DLGAP2: variants seen among roughly 807,000 people sequenced by gnomAD.
DLGAP2 encodes the protein DLG associated protein 2.
DLGAP2 carries 26 observed loss-of-function variants against 100.3 expected under a neutral mutation model. The ratio of observed to expected loss-of-function variants is 0.26; its 90% CI spans 0.19 to 0.36. The LOEUF is 0.36. DLGAP2 is among the 10% of genes least tolerant of loss of function. DLGAP2 has a pLI of 1.00. For synonymous variants in DLGAP2, 886 were observed against 630.1 expected (o/e 1.41, Z -6.08); for missense variants, 1,858 against 1,453.2 (o/e 1.28, Z -4.53).
chr8:1,156,225 TG>T (rs1796782287), intron 2 of DLGAP2, among the ~76,000 whole-genome samples: 1 of 152,128 alleles, frequency 6.6e-6, no homozygotes, highest in Admixed American at 6.5e-5. Flanking sequence ...GCCGCTTCAA[TG>T]AACCTGAAAC....
intron 2 of DLGAP2, among the ~76,000 whole-genome samples, chr8:1,169,864 T>A (rs1797092533): frequency 1.3e-5 from 2 of 151,882 alleles, no homozygotes; most frequent in South Asian, 4.2e-4. Flanking sequence ...CCTAATTGAA[T>A]AACCTTTATT....
intron 4 of DLGAP2, among the ~76,000 whole-genome samples, chr8:1,538,723 A>T (rs1409106742): frequency 6.6e-6 from 1 of 152,024 alleles, no homozygotes; most frequent in Non-Finnish European, 1.5e-5. Context: ...CTCTTATCAG[A>T]GGCAAAGCCC....
chr8:1,039,680 G>C (rs79964757), intron 2 of DLGAP2, among the ~76,000 whole-genome samples: 1 of 108,632 alleles, frequency 9.2e-6, no homozygotes, highest in Non-Finnish European at 1.7e-5. Flanking sequence ...CTCGGTGTGC[G>C]TGGTCAGCTC....
intron 6 of DLGAP2, among the ~76,000 whole-genome samples, chr8:1,566,689 C>A (rs1349513939): frequency 2.6e-5 from 4 of 152,216 alleles, no homozygotes; most frequent in Non-Finnish European, 5.9e-5. Context: ...AGACAGGGAG[C>A]CCTGGGCCAC....
At chr8:1,139,496 G>A (rs558433393) in intron 2 of DLGAP2, among the ~76,000 whole-genome samples, 39 of 152,250 alleles carry the variant, frequency 2.6e-4, no homozygotes, top group Non-Finnish European at 3.5e-4. Flanking sequence ...GGCCTCCCTC[G>A]GCGCTAATCC....
At chr8:1,010,492 C>T (rs1038825679) in intron 2 of DLGAP2, among the ~76,000 whole-genome samples, 1 of 152,224 alleles carries the variant, frequency 6.6e-6, no homozygotes, top group African/African-American at 2.4e-5. Context: ...AAATACTACA[C>T]ATTACCCACA....
chr8:966,735 C>G (rs1210640845), intron 2 of DLGAP2, among the ~76,000 whole-genome samples: 2 of 152,188 alleles, frequency 1.3e-5, no homozygotes, highest in African/African-American at 4.8e-5. Context: ...CACATAGAAG[C>G]AAATGGACTG....
chr8:1,434,033 GAA>G (rs1229239100), intron 3 of DLGAP2, among the ~76,000 whole-genome samples: 4 of 152,158 alleles, frequency 2.6e-5, no homozygotes, highest in Admixed American at 6.5e-5. Flanking sequence ...TGCCCTGCAA[GAA>G]AGTGTTTTTG....
chr8:1,549,471 C>G lies in DLGAP2; in HGVS notation c.1018C>G (p.Leu340Val), dbSNP rs1277529005. The G allele has an allele frequency of 2.5e-6, 4 of 1,613,386 alleles. No individual in the cohort carries two copies. Among genetic ancestry groups the G allele is most frequent in the African/African-American group, 2.7e-5 (2 of 74,952 alleles). ...GCAGAGCCCCTTCGGGGACCTGTCC[C>G]TCAAGACCTCCAAGAGCAACAACGA... ...ALQSPFGDLS[L>V]KTSKSNNDVK... is the part of the protein sequence containing the mutation. Residue 340 changes from leucine (L) to valine (V), a missense_variant, in exon 5 of 15, where the codon CTC becomes GTC. Physicochemically the swap from Leu to Val is conservative, Grantham distance 32. Coordinates refer to ENST00000637795, the MANE Select transcript of DLGAP2 (RefSeq NM_001346810.2).
At chr8:996,491 C>A (rs746820984) in intron 2 of DLGAP2, among the ~76,000 whole-genome samples, 5 of 152,074 alleles carry the variant, frequency 3.3e-5, no homozygotes, top group Non-Finnish European at 7.4e-5. Flanking sequence ...GTGGAGTGGC[C>A]GGAGGCTCAG....
intron 3 of DLGAP2, among the ~76,000 whole-genome samples, chr8:1,467,374 GC>G (rs1046750785): frequency 7.3e-6 from 1 of 136,184 alleles, no homozygotes; most frequent in Non-Finnish European, 1.6e-5. Context: ...GCCCCCCACA[GC>G]CCCCCAGAGC....
chr8:1,686,534 G>A (rs913118889), intron 12 of DLGAP2, among the ~76,000 whole-genome samples: 1 of 152,118 alleles, frequency 6.6e-6, no homozygotes, highest in African/African-American at 2.4e-5. Flanking sequence ...CAGGCATGGT[G>A]GCGCACGCCT....
intron 2 of DLGAP2, among the ~76,000 whole-genome samples, chr8:993,854 G>C (rs1563133062): frequency 6.9e-6 from 1 of 144,170 alleles, no homozygotes. Flanking sequence ...GGCCTTTCTA[G>C]GGCCTTTGAT....
intron 6 of DLGAP2, among the ~76,000 whole-genome samples, chr8:1,600,468 T>A (rs1796590409): frequency 6.6e-6 from 1 of 152,220 alleles, no homozygotes; most frequent in African/African-American, 2.4e-5. Context: ...GAAGAGTGTT[T>A]TCCAGCTTGG....
At chr8:875,224 T>C (rs1797667856) in intron 1 of DLGAP2, among the ~76,000 whole-genome samples, 1 of 152,226 alleles carries the variant, frequency 6.6e-6, no homozygotes, top group East Asian at 1.9e-4. Context: ...TTGATTATAT[T>C]ATTTAATCCA....
intron 1 of DLGAP2, among the ~76,000 whole-genome samples, chr8:759,173 GTTATCAATACCCCCGACAGCCTTCCCA>G (rs1821005771): frequency 5.0e-4 from 7 of 14,042 alleles, no homozygotes; most frequent in African/African-American, 1.7e-3. Flanking sequence ...CAGCCTTCCC[GTTATCAATACCCCCGACAGCCTTCCCA>G]TTATCAATAC....
intron 8 of DLGAP2, among the ~76,000 whole-genome samples, chr8:1,662,914 G>C (rs897564663): frequency 6.7e-6 from 1 of 149,766 alleles, no homozygotes; most frequent in Non-Finnish European, 1.5e-5. Flanking sequence ...GGGGATGCAT[G>C]TCTGTGTGTA....
At chr8:1,198,804 C>T (rs566060595) in intron 2 of DLGAP2, among the ~76,000 whole-genome samples, 94 of 152,344 alleles carry the variant, frequency 6.2e-4, no homozygotes, top group African/African-American at 2.1e-3. Flanking sequence ...AGCCCTACAG[C>T]AGGGGGATGG....
chr8:1,280,478 A>G (rs1001524027), intron 3 of DLGAP2, among the ~76,000 whole-genome samples: 5 of 152,342 alleles, frequency 3.3e-5, no homozygotes, highest in Admixed American at 3.3e-4. Flanking sequence ...ACAGGAAGGT[A>G]TTTAATAGGA....
Sources: allele counts gnomAD v4.1 joint callset (sites outside exome capture counted in the v4.1 genomes callset), GRCh38; gene constraint gnomAD v4.1.1; transcripts MANE v1.5; gene names NCBI Gene and HGNC (gene_info 2026-07-23, HGNC 2026-07-21).